The following ANKMY1 variants were observed in gnomAD, a reference collection of about 807,000 sequenced individuals.
ANKMY1 encodes ankyrin repeat and MYND domain-containing protein 1.
A neutral mutation model predicts 102.0 loss-of-function variants in ANKMY1; 98 were observed. The ratio of observed to expected loss-of-function variants is 0.96; its 90% CI spans 0.82 to 1.14. The LOEUF (loss-of-function observed/expected upper bound fraction) is 1.14, where lower values mean the gene tolerates loss of function less well. ANKMY1 is among the 50% of genes most tolerant of loss of function. The pLI is 0.00. For synonymous variants in ANKMY1, 582 were observed against 559.9 expected, an observed-to-expected ratio of 1.04 and a Z score of -0.56; for missense variants, 1,330 against 1,347.6, an observed-to-expected ratio of 0.99 and a Z score of 0.20.
intron 4 of ANKMY1, among the ~76,000 whole-genome samples, chr2:240,548,186 C>T (rs200117765): frequency 0.034 from 5,228 of 152,208 alleles, 127 homozygotes; most frequent in South Asian, 0.1. Context: ...GGCTTCATCC[C>T]TGGGATGCAA....
At chr2:240,498,483 G>A (rs1465741174) in intron 15 of ANKMY1, among the ~76,000 whole-genome samples, 2 of 82,020 alleles carry the variant, frequency 2.4e-5, no homozygotes, top group Admixed American at 2.3e-4. Context: ...CTGTGGGGGT[G>A]GAGCTGAGGG....
intron 13 of ANKMY1, among the ~76,000 whole-genome samples, chr2:240,503,241 G>C (rs2078518787): frequency 6.6e-6 from 1 of 152,216 alleles, no homozygotes; most frequent in Non-Finnish European, 1.5e-5. Flanking sequence ...GATTTGCTCT[G>C]CTCTCAAATT....
At chr2:240,543,976 T>C (rs2089666050) in intron 4 of ANKMY1, among the ~76,000 whole-genome samples, 1 of 152,146 alleles carries the variant, frequency 6.6e-6, no homozygotes, top group Admixed American at 6.5e-5. Context: ...AAGTTGTAGT[T>C]AATTATAATT....
intron 11 of ANKMY1, among the ~76,000 whole-genome samples, chr2:240,511,304 G>A (rs1279258617): frequency 6.6e-6 from 1 of 152,274 alleles, no homozygotes; most frequent in African/African-American, 2.4e-5. Flanking sequence ...GGTGTGCCAT[G>A]TGCTCCGTGG....
chr2:240,517,753 C>G (rs1376288332), intron 9 of ANKMY1, among the ~76,000 whole-genome samples: 1 of 152,046 alleles, frequency 6.6e-6, no homozygotes, highest in Non-Finnish European at 1.5e-5. Context: ...CTGCAGTGAG[C>G]CATGATTATA....
the ANKMY1 span, among the ~76,000 whole-genome samples, chr2:240,470,158 T>G: frequency 6.6e-6 from 1 of 152,238 alleles, no homozygotes; most frequent in African/African-American, 2.4e-5. Flanking sequence ...ACACCATTTA[T>G]AATCGCAGTG....
Position 240,525,793 on chromosome 2 carries a change from G to A in ANKMY1, c.1227C>T (p.Asn409=), listed in dbSNP as rs138007583. ...NLLLDCGADV[N]KCSDEGLTAL... Reference sequence around the variant, plus strand: ...CCGTGAGACCCTCATCTGAGCACTTGTTCACGTCGGCCCCACAGTCCAGGA... The same window carrying A: ...CCGTGAGACCCTCATCTGAGCACTTATTCACGTCGGCCCCACAGTCCAGGA... Residue 409 remains asparagine (N), a synonymous_variant, in exon 7 of 18, where the codon AAC becomes AAT. Transcript: ENST00000401804. 599 of 1,614,172 alleles carry A rather than the reference G, an allele frequency of 3.7e-4. No individual in the cohort carries two copies. The highest frequency in any genetic ancestry group is 6.1e-4 in the South Asian group (56 of 91,086).
chr2:240,481,102 A>G lies in ANKMY1; in HGVS notation c.2886-5T>C, dbSNP rs1417341116. ...CAGAACTTGAAGAAGGGAATTCTGC[A>G]ACAGAGCCTCACCGTCAGCAGGCGG... is the stretch of plus-strand genomic sequence containing the variant. On this transcript the variant is annotated splice_polypyrimidine_tract_variant and splice_region_variant and intron_variant, in intron 16 of 17. Coordinates refer to ENST00000401804, the MANE Select transcript of ANKMY1 (RefSeq NM_001282771.3). 1.9e-6 allele frequency: 3 copies of G among 1,604,898 alleles called. No individual in the cohort carries two copies. The highest frequency in any genetic ancestry group is 1.7e-5 in the Admixed American group (1 of 59,886).
intron 4 of ANKMY1, among the ~76,000 whole-genome samples, chr2:240,540,767 C>G (rs1248864074): frequency 6.6e-6 from 1 of 152,168 alleles, no homozygotes. Context: ...AGACTGAACC[C>G]GTGATGTTTC....
At chr2:240,552,672 G>A (rs1171852341) in intron 4 of ANKMY1, 4 of 542,250 alleles carry the variant, frequency 7.4e-6, no homozygotes, top group Non-Finnish European at 1.3e-5. Context: ...ATAAACACGT[G>A]CGTTTCTTAA....
intron 9 of ANKMY1, among the ~76,000 whole-genome samples, chr2:240,514,472 A>G (rs1421433907): frequency 1.3e-5 from 2 of 152,208 alleles, no homozygotes; most frequent in African/African-American, 2.4e-5. Context: ...GAGTCCCAGA[A>G]GGACAGAAGA....
chr2:240,545,055 A>G (rs1351817602), intron 4 of ANKMY1, among the ~76,000 whole-genome samples: 1 of 152,376 alleles, frequency 6.6e-6, no homozygotes, highest in African/African-American at 2.4e-5. Flanking sequence ...CTCTGGGGGC[A>G]GGGCACAGAC....
the ANKMY1 span, among the ~76,000 whole-genome samples, chr2:240,469,188 G>A: frequency 2.0e-5 from 3 of 152,216 alleles, no homozygotes; most frequent in Non-Finnish European, 2.9e-5. Flanking sequence ...ACTTCCACAA[G>A]CCCTTTTTGA....
intron 11 of ANKMY1, 97 bp downstream of exon 11, chr2:240,511,764 C>A: frequency 7.0e-7 from 1 of 1,419,654 alleles, no homozygotes; most frequent in South Asian, 1.4e-5. Flanking sequence ...GCCTAAGACT[C>A]AGCATGAGAA....
chr2:240,481,045 G>C lies in ANKMY1; in HGVS notation c.2938C>G (p.Leu980Val). The change falls in exon 17 of 18, where the codon CTC (leucine) becomes GTC (valine). Residue 980 changes from leucine to valine, a missense_variant. Physicochemically the swap from Leu to Val is conservative, Grantham distance 32. Transcript: ENST00000401804. ...CCGTAGCAGCGAGGGCAGGGCAAGA[G>C]GCGGACCCCGATGGAGCGGCCACAC... Reference protein sequence around the residue: ...YQCGRSIGVRLLPCPRCYGIL... With the variant: ...YQCGRSIGVRVLPCPRCYGIL... 1.2e-6 allele frequency: 2 copies of C among 1,613,398 alleles called. No homozygotes were observed. Among genetic ancestry groups the C allele is most frequent in the Non-Finnish European group, 1.7e-6 (2 of 1,179,628 alleles).
chr2:240,479,706 C>G, intron 17 of ANKMY1, 51 bp from the exon 18 acceptor site: 2 of 1,565,856 alleles, frequency 1.3e-6, no homozygotes, highest in Non-Finnish European at 1.8e-6. Flanking sequence ...TGGAGCTGGC[C>G]TCCCCCGAGG....
intron 4 of ANKMY1, among the ~76,000 whole-genome samples, chr2:240,546,257 A>G (rs1396106179): frequency 6.6e-6 from 1 of 150,526 alleles, no homozygotes; most frequent in African/African-American, 2.4e-5. Context: ...ATCCAGCCAA[A>G]CTAAGCTTCA....
At chr2:240,526,662 A>G in intron 5 of ANKMY1, 3 of 1,431,020 alleles carry the variant, frequency 2.1e-6, no homozygotes, top group Non-Finnish European at 1.8e-6. Context: ...CCTGGAGGTC[A>G]AGATGCTTGG....
At chr2:240,470,527 T>C in the ANKMY1 span, among the ~76,000 whole-genome samples, 2 of 152,174 alleles carry the variant, frequency 1.3e-5, no homozygotes, top group Non-Finnish European at 2.9e-5. Context: ...TTTCCCTCCT[T>C]CTTTCATATG....
Sources: gnomAD v4.1 joint callset for allele counts (sites outside exome capture counted in the v4.1 genomes callset) on GRCh38, gnomAD v4.1.1 for gene constraint, MANE v1.5 for transcripts, NCBI Gene and HGNC (gene_info 2026-07-23, HGNC 2026-07-21) for gene names.